The following SCRN2 variants were observed in gnomAD, a reference collection of about 807,000 sequenced individuals.
SCRN2 encodes secernin-2.
Under a neutral mutation model 40.1 loss-of-function variants are expected in SCRN2, and 30 were observed. That is an observed-to-expected ratio of 0.75 (90% CI 0.56 to 1.01). The LOEUF (loss-of-function observed/expected upper bound fraction) is 1.01, where lower values mean the gene tolerates loss of function less well. Among genes scored for constraint, SCRN2 ranks in the 50% least tolerant of loss-of-function variants. The pLI is 0.00. For missense variants in SCRN2, 526 were observed against 564.9 expected, an observed-to-expected ratio of 0.93 and a Z score of 0.70; for synonymous variants, 240 against 233.5, an observed-to-expected ratio of 1.03 and a Z score of -0.25.
intron 3 of SCRN2, 129 bp from the exon 4 acceptor site, chr17:47,839,772 G>A: frequency 1.1e-6 from 1 of 889,810 alleles, no homozygotes; most frequent in Non-Finnish European, 1.8e-6. Context: ...CAAATCTGCT[G>A]GCACTGATCG....
Position 47,841,221 on chromosome 17 carries a change from A to C in SCRN2, c.-14T>G. Reference sequence around the variant, plus strand: ...TATTCCCCTCACCCTCTCTTCCTCCAAGACCCCAGCTCGGTCCCGGGTGCC... The same window carrying C: ...TATTCCCCTCACCCTCTCTTCCTCCCAGACCCCAGCTCGGTCCCGGGTGCC... On this transcript the variant is annotated 5_prime_UTR_variant, in exon 1 of 8. Coordinates refer to ENST00000290216, the MANE Select transcript of SCRN2 (RefSeq NM_138355.4). The C allele has an allele frequency of 1.8e-5, 3 of 164,084 alleles. No homozygotes were observed. The highest frequency in any genetic ancestry group is 2.6e-5 in the Non-Finnish European group (2 of 75,802). The allele number at this position is 164,084 out of a possible 1,614,324, so 10.2% of individuals were successfully genotyped here. A position where few individuals can be genotyped will look rare whatever the true frequency, so the allele number is the denominator to read the frequency against.
intron 1 of SCRN2, 60 bp from the exon 2 acceptor site, chr17:47,840,903 A>C: frequency 1.4e-6 from 2 of 1,381,920 alleles, no homozygotes; most frequent in Non-Finnish European, 1.9e-6. Flanking sequence ...GGAGCAGCCT[A>C]CCCCCACACG....
chr17:47,838,037 G>A (rs1377739758), intron 7 of SCRN2, 35 bp from the exon 8 acceptor site: 1 of 1,590,738 alleles, frequency 6.3e-7, no homozygotes, highest in Non-Finnish European at 8.5e-7. Context: ...AGTCTGTCCG[G>A]GACAGGCTTC....
intron 1 of SCRN2, 65 bp from the exon 2 acceptor site, chr17:47,840,908 C>G (rs551120464): frequency 3.6e-6 from 5 of 1,374,954 alleles, no homozygotes; most frequent in Admixed American, 3.4e-5. Context: ...AGCCTACCCC[C>G]ACACGTGTAA....
intron 3 of SCRN2, 191 bp downstream of exon 3, chr17:47,840,000 T>C (rs1416415407): frequency 6.7e-6 from 4 of 601,096 alleles, no homozygotes; most frequent in Non-Finnish European, 1.2e-5. Flanking sequence ...ACCACTGCTC[T>C]ATTTCTGGGC....
rs371944909 is a variant in SCRN2 at position 47,840,717 on chromosome 17, C to A, written c.127G>T (p.Val43Leu). The A allele has an allele frequency of 3.7e-5, 59 of 1,603,780 alleles. No individual in the cohort carries two copies. Among genetic ancestry groups the A allele is most frequent in the Non-Finnish European group, 4.7e-5 (55 of 1,174,814 alleles). ...SDRPRDEVQE[V>L]VFVPAGTHTP... ...TGAGTGCCTGCGGGGACAAACACCA[C>A]CTCCTGCACCTCGTCCCGGGGTCGG... The change falls in exon 2 of 8, where the codon GTG becomes TTG. Residue 43 changes from valine to leucine, a missense_variant. Transcript: ENST00000290216.
At chr17:47,838,064 G>A (rs1598048281) in intron 7 of SCRN2, 62 bp from the exon 8 acceptor site, 2 of 1,579,670 alleles carry the variant, frequency 1.3e-6, no homozygotes, top group East Asian at 4.5e-5. Flanking sequence ...GGTGAAGGGG[G>A]GACTGTGTAC....
In SCRN2 at chr17:47,839,523, G is replaced by A; in HGVS notation, c.477C>T (p.Ser159=). The A allele has an allele frequency of 1.2e-6, 2 of 1,613,976 alleles. No homozygotes were observed. The change falls in exon 4 of 8, where the codon AGC becomes AGT. Residue 159 remains serine, a synonymous_variant. Transcript: ENST00000290216. The part of the protein sequence containing the change: ...LEDAAPFSYH[S]TFLLADRTEA... ...CAGTGCGGTCAGCCAGCAGGAAGGTGCTATGGTAGGAGAATGGCGCAGCAT... is the reference window on the plus strand; with the variant it reads ...CAGTGCGGTCAGCCAGCAGGAAGGTACTATGGTAGGAGAATGGCGCAGCAT...
chr17:47,840,919 A>C (rs1376979314), intron 1 of SCRN2, 76 bp from the exon 2 acceptor site: 2 of 1,311,930 alleles, frequency 1.5e-6, no homozygotes, highest in Admixed American at 3.6e-5. Context: ...ACACGTGTAA[A>C]AGACGCGCAA....
Position 47,840,384 on chromosome 17 carries a change from G to A in SCRN2, c.175-12C>T. ...TCAATGTAGGTGCACTGGAGGTGAG[G>A]GAGGAGAAAGGAAGCGTCCACTCAT... On this transcript the variant is annotated splice_polypyrimidine_tract_variant and intron_variant, in intron 2 of 7. Transcript: ENST00000290216. 2 of 1,613,028 alleles carry A rather than the reference G, an allele frequency of 1.2e-6. No individual in the cohort carries two copies. The highest frequency in any genetic ancestry group is 1.3e-5 in the African/African-American group (1 of 75,050).
Position 47,840,769 on chromosome 17 carries a change from C to T in SCRN2, c.75G>A (p.Pro25=). The change falls in exon 2 of 8, where the codon CCG becomes CCA. Residue 25 remains proline, a synonymous_variant. Coordinates refer to ENST00000290216, the MANE Select transcript of SCRN2 (RefSeq NM_138355.4). The part of the protein sequence containing the change: ...FVSVPPASAI[P]AVIFAKNSDR... The stretch of plus-strand genomic sequence containing the variant: ...CCGAGTTCTTGGCAAAGATCACAGC[C>T]GGGATGGCTGAGGCCGGGGGCACGG... The T allele has an allele frequency of 6.3e-7, 1 of 1,588,366 alleles. No individual in the cohort carries two copies. Among genetic ancestry groups the T allele is most frequent in the Non-Finnish European group, 8.6e-7 (1 of 1,165,540 alleles).
At chr17:47,840,419 G>A (rs767883104) in intron 2 of SCRN2, 47 bp from the exon 3 acceptor site, 229 of 1,595,292 alleles carry the variant, frequency 1.4e-4, no homozygotes, top group Non-Finnish European at 1.9e-4. Context: ...TAGAGGGGCG[G>A]CCCCTCGAGT....
chr17:47,839,741 T>C (rs1347541768), intron 3 of SCRN2, 98 bp from the exon 4 acceptor site: 1 of 1,298,478 alleles, frequency 7.7e-7, no homozygotes, highest in East Asian at 2.3e-5. Context: ...AGAGGTTTGG[T>C]GATAGGCCCA....
At position 47,838,908 on chromosome 17, in the gene SCRN2, C is replaced by T. The variant is rs1427799614; in HGVS notation, c.655G>A (p.Asp219Asn). The T allele has an allele frequency of 6.2e-7, 1 of 1,613,900 alleles. No individual in the cohort carries two copies. Residue 219 changes from aspartate (D) to asparagine (N), a missense_variant, in exon 5 of 8, where the codon GAT becomes AAT. Physicochemically the swap from Asp to Asn is conservative, Grantham distance 23 (BLOSUM62 1). Coordinates refer to ENST00000290216, the MANE Select transcript of SCRN2 (RefSeq NM_138355.4). ...RTHAQAKGWW[D>N]GQGAFDFAQI... ...GCAAAGTCAAAGGCACCCTGCCCATCCCACCAGCCCTTGGCCTGGGCATGA... is the reference window on the plus strand; with the variant it reads ...GCAAAGTCAAAGGCACCCTGCCCATTCCACCAGCCCTTGGCCTGGGCATGA...
chr17:47,840,241 C>T lies in SCRN2; in HGVS notation c.306G>A (p.Thr102=), dbSNP rs370187448. ...GVCIGNEAVW[T]KEPVGEGEAL... is the part of the protein sequence containing the mutation. The stretch of plus-strand genomic sequence containing the variant: ...CTTCCCCCTCCCCAACTGGCTCCTT[C>T]GTCCACACAGCCTCGTTGCCAATGC... The change falls in exon 3 of 8, where the codon ACG becomes ACA. Residue 102 remains threonine (T), a synonymous_variant. Coordinates refer to ENST00000290216, the MANE Select transcript of SCRN2 (RefSeq NM_138355.4). 1.9e-6 allele frequency: 3 copies of T among 1,614,108 alleles called. No individual in the cohort carries two copies. The highest frequency in any genetic ancestry group is 1.7e-5 in the Admixed American group (1 of 60,036).
intron 3 of SCRN2, 39 bp downstream of exon 3, chr17:47,840,152 C>G: frequency 1.3e-6 from 2 of 1,585,048 alleles, no homozygotes; most frequent in African/African-American, 1.3e-5. Flanking sequence ...CCCTAGATTT[C>G]TGGTGTGTCA....
intron 3 of SCRN2, chr17:47,839,904 C>T: frequency 1.7e-6 from 1 of 595,754 alleles, no homozygotes; most frequent in Non-Finnish European, 3.0e-6. Flanking sequence ...CCCCTAACCT[C>T]TCTCCACCCA....
At chr17:47,838,747 G>T in intron 5 of SCRN2, 44 bp downstream of exon 5, 6 of 1,610,710 alleles carry the variant, frequency 3.7e-6, no homozygotes, top group Non-Finnish European at 3.4e-6. Context: ...GGCTGGCACT[G>T]CTGTGGCCCT....
At chr17:47,840,021 C>T in intron 3 of SCRN2, 170 bp downstream of exon 3, 4 of 633,140 alleles carry the variant, frequency 6.3e-6, no homozygotes, top group Admixed American at 3.0e-5. Context: ...CAGGAGAGGC[C>T]CAAAGGTGGC....
Sources: gnomAD v4.1 joint callset for allele counts on GRCh38, gnomAD v4.1.1 for gene constraint, MANE v1.5 for transcripts, NCBI Gene and HGNC (gene_info 2026-07-23, HGNC 2026-07-21) for gene names.